The following CNTNAP5 variants were observed in gnomAD, a reference collection of about 807,000 sequenced individuals.
CNTNAP5 encodes the protein contactin associated protein family member 5.
CNTNAP5 carries 72 observed loss-of-function variants against 150.2 expected under a neutral mutation model. That is an observed-to-expected ratio of 0.48 (90% confidence interval 0.40 to 0.58). The LOEUF is 0.58. Among genes scored for constraint, CNTNAP5 ranks in the 20% least tolerant of loss-of-function variants. The probability of loss-of-function intolerance (pLI) is 0.00; values close to 1 mark genes in which losing one functional copy is unlikely to be tolerated. For missense variants in CNTNAP5, 1,636 were observed against 1,626.2 expected, an observed-to-expected ratio of 1.01 and a Z score of -0.10; for synonymous variants, 672 against 619.8, an observed-to-expected ratio of 1.08 and a Z score of -1.25.
chr2:124,712,473 T>C (rs1679827106), intron 13 of CNTNAP5, among the ~76,000 whole-genome samples: 1 of 152,226 alleles, frequency 6.6e-6, no homozygotes, highest in Non-Finnish European at 1.5e-5. Flanking sequence ...CCACTGATGT[T>C]CTACCTAACA....
At chr2:124,454,211 T>A (rs1693058909) in intron 6 of CNTNAP5, among the ~76,000 whole-genome samples, 1 of 152,160 alleles carries the variant, frequency 6.6e-6, no homozygotes, top group African/African-American at 2.4e-5. Context: ...GAAAAAGACA[T>A]TCCATGAAAA....
intron 1 of CNTNAP5, among the ~76,000 whole-genome samples, chr2:124,078,031 A>G (rs1164202754): frequency 1.3e-5 from 2 of 152,224 alleles, no homozygotes; most frequent in African/African-American, 4.8e-5. Context: ...AACTTAAGCA[A>G]TATATGTTGA....
At chr2:124,305,498 A>AT (rs896210207) in intron 3 of CNTNAP5, among the ~76,000 whole-genome samples, 5 of 151,954 alleles carry the variant, frequency 3.3e-5, no homozygotes, top group South Asian at 2.1e-4. Flanking sequence ...TAGTTATGTC[A>AT]TTTTTTTTAG....
Position 124,872,771 on chromosome 2 carries a change from G to A in CNTNAP5, c.3436+3009G>A, listed in dbSNP as rs73953207. Among the ~76,000 whole-genome samples the A allele has an allele frequency of 4.1e-3, 624 of 151,580 alleles. 3 individuals are homozygous for A. The highest frequency in any genetic ancestry group is 0.015 in the African/African-American group (600 of 41,300). On this transcript the variant is annotated intron_variant, in intron 21 of 23. Coordinates refer to ENST00000682447, the MANE Select transcript of CNTNAP5 (RefSeq NM_001367498.1). ...TTTCATGGCCCCTGCTCTGTGTAAT[G>A]GAAGTTCCAATAATACCCTCTTGTT...
At chr2:124,172,379 C>G (rs1018513017) in intron 1 of CNTNAP5, among the ~76,000 whole-genome samples, 1 of 152,016 alleles carries the variant, frequency 6.6e-6, no homozygotes, top group Admixed American at 6.6e-5. Flanking sequence ...GTAATATTGA[C>G]TTTTAATATT....
intron 8 of CNTNAP5, 146 bp downstream of exon 8, chr2:124,504,702 C>CTT: frequency 1.8e-6 from 1 of 557,788 alleles, no homozygotes; most frequent in Non-Finnish European, 2.9e-6. Flanking sequence ...GAAGAGGCAG[C>CTT]ATTTTTTTTT....
At chr2:124,600,763 GAGAGAA>G (rs56193461) in intron 11 of CNTNAP5, among the ~76,000 whole-genome samples, 10,343 of 113,258 alleles carry the variant, frequency 0.091, 325 homozygotes, top group Admixed American at 0.1. Flanking sequence ...GAGAGAGAGA[GAGAGAA>G]AGAGAGAGAA....
chr2:124,317,582 T>A (rs1335776397), intron 3 of CNTNAP5, among the ~76,000 whole-genome samples: 1 of 148,778 alleles, frequency 6.7e-6, no homozygotes, highest in Non-Finnish European at 1.5e-5. Flanking sequence ...ATCTCAGAAT[T>A]TTTTTTTTTC....
intron 18 of CNTNAP5, among the ~76,000 whole-genome samples, chr2:124,794,315 C>T (rs182468039): frequency 7.2e-5 from 11 of 152,274 alleles, no homozygotes; most frequent in Admixed American, 7.2e-4. Context: ...CCGTGGTTTC[C>T]TCATCTACGA....
chr2:124,101,885 A>G (rs189824199), intron 1 of CNTNAP5, among the ~76,000 whole-genome samples: 1 of 152,166 alleles, frequency 6.6e-6, no homozygotes, highest in South Asian at 2.1e-4. Context: ...TTTATCAGAC[A>G]TTCACTCTTC....
At chr2:124,490,927 A>G (rs1393894118) in intron 7 of CNTNAP5, among the ~76,000 whole-genome samples, 1 of 152,156 alleles carries the variant, frequency 6.6e-6, no homozygotes, top group Non-Finnish European at 1.5e-5. Context: ...GGTATGCATT[A>G]TATTTCTATT....
Position 124,276,737 on chromosome 2 carries a change from G to A in CNTNAP5, c.381+34344G>A, listed in dbSNP as rs566630587. On this transcript the variant is annotated intron_variant, in intron 3 of 23. Transcript: ENST00000682447. Reference sequence around the variant, plus strand: ...GGTCAGGGAAAATCTTCATTTGGGCGTTATTTTTAAGTATTACACATTTAA... The same window carrying A: ...GGTCAGGGAAAATCTTCATTTGGGCATTATTTTTAAGTATTACACATTTAA... Among the ~76,000 whole-genome samples, 21 of 152,194 alleles carry A rather than the reference G, an allele frequency of 1.4e-4. No homozygotes were observed. In the East Asian group the frequency reaches 2.5e-3, roughly 18 times the overall value.
At chr2:124,860,512 C>G (rs542906357) in intron 19 of CNTNAP5, among the ~76,000 whole-genome samples, 1 of 129,004 alleles carries the variant, frequency 7.8e-6, no homozygotes, top group African/African-American at 3.1e-5. Context: ...TCTTTCCTTC[C>G]TTCCTTCCTT....
At chr2:124,684,145 G>A (rs1679142362) in intron 13 of CNTNAP5, among the ~76,000 whole-genome samples, 1 of 152,170 alleles carries the variant, frequency 6.6e-6, no homozygotes, top group Non-Finnish European at 1.5e-5. Context: ...GGAAGTAAAA[G>A]CTAAATGTGT....
intron 19 of CNTNAP5, among the ~76,000 whole-genome samples, chr2:124,824,222 T>A (rs528604131): frequency 6.6e-6 from 1 of 152,040 alleles, no homozygotes; most frequent in Non-Finnish European, 1.5e-5. Context: ...CTGGCCCTTA[T>A]GTTCTTTTAG....
At chr2:124,066,670 T>C (rs1332781522) in intron 1 of CNTNAP5, among the ~76,000 whole-genome samples, 1 of 151,916 alleles carries the variant, frequency 6.6e-6, no homozygotes, top group Non-Finnish European at 1.5e-5. Flanking sequence ...AAAAAAATAG[T>C]TTATCTTATT....
At chr2:124,713,600 T>C (rs13019307) in intron 13 of CNTNAP5, among the ~76,000 whole-genome samples, 30,863 of 151,580 alleles carry the variant, frequency 0.2, 3,244 homozygotes, top group East Asian at 0.24. Flanking sequence ...GGTCTTGAAC[T>C]CCTGACCTCA....
At chr2:124,237,801 C>T (rs967618806) in intron 2 of CNTNAP5, among the ~76,000 whole-genome samples, 10 of 152,174 alleles carry the variant, frequency 6.6e-5, no homozygotes, top group African/African-American at 2.4e-4. Flanking sequence ...CACACCATTG[C>T]ACTCCAGCCT....
At chr2:124,789,778 A>G (rs1681682525) in intron 17 of CNTNAP5, 124 bp from the exon 18 acceptor site, 2 of 860,142 alleles carry the variant, frequency 2.3e-6, no homozygotes, top group Non-Finnish European at 3.5e-6. Context: ...ACTTTAATAA[A>G]AAAATTAATT....
Sources: gnomAD v4.1 joint callset for allele counts (sites outside exome capture counted in the v4.1 genomes callset) on GRCh38, gnomAD v4.1.1 for gene constraint, MANE v1.5 for transcripts, NCBI Gene and HGNC (gene_info 2026-07-23, HGNC 2026-07-21) for gene names.